PRRX1: variants seen among roughly 807,000 people sequenced by gnomAD.
PRRX1 encodes the protein paired related homeobox 1, also known as paired mesoderm homeobox protein 1.
Under a neutral mutation model 24.0 loss-of-function variants are expected in PRRX1, and 8 were observed. That is an observed-to-expected ratio of 0.33 (90% CI 0.20 to 0.60). The LOEUF is 0.60. Ranked by LOEUF, PRRX1 falls within the 20% of genes least tolerant of loss-of-function variation. The pLI, the probability that PRRX1 is intolerant of heterozygous loss-of-function variation, is 0.82. For missense variants in PRRX1, 281 were observed against 322.4 expected, an observed-to-expected ratio of 0.87 and a Z score of 0.98; for synonymous variants, 160 against 131.7, an observed-to-expected ratio of 1.22 and a Z score of -1.47.
At chr1:170,689,949 A>G (rs914052858) in intron 1 of PRRX1, among the ~76,000 whole-genome samples, 10 of 150,880 alleles carry the variant, frequency 6.6e-5, no homozygotes, top group Admixed American at 2.0e-4. Context: ...CTTTGTAAAG[A>G]TTTGGTTCCA....
At chr1:170,672,101 C>A (rs956194631) in intron 1 of PRRX1, among the ~76,000 whole-genome samples, 27 of 152,136 alleles carry the variant, frequency 1.8e-4, no homozygotes, top group African/African-American at 6.3e-4. Context: ...CTTGTGTGAG[C>A]CTGCAACTTG....
chr1:170,689,839 C>CTCCCTCTCTCT (rs1558049688), intron 1 of PRRX1, among the ~76,000 whole-genome samples: 1 of 91,602 alleles, frequency 1.1e-5, no homozygotes, highest in Non-Finnish European at 2.3e-5. Flanking sequence ...TCTCTCTCTC[C>CTCCCTCTCTCT]CTCTCTCTCT....
At chr1:170,671,784 A>T (rs978764616) in intron 1 of PRRX1, among the ~76,000 whole-genome samples, 2 of 152,166 alleles carry the variant, frequency 1.3e-5, no homozygotes, top group Non-Finnish European at 2.9e-5. Context: ...GAGTGGGGCC[A>T]GATGACCGTG....
chr1:170,682,283 T>C (rs1653572534), intron 1 of PRRX1, among the ~76,000 whole-genome samples: 1 of 150,652 alleles, frequency 6.6e-6, no homozygotes, highest in Admixed American at 6.8e-5. Flanking sequence ...AATTCAATGT[T>C]CCTTCTGTGT....
chr1:170,698,087 C>T (rs1225656498), intron 1 of PRRX1, among the ~76,000 whole-genome samples: 2 of 151,928 alleles, frequency 1.3e-5, no homozygotes, highest in Non-Finnish European at 2.9e-5. Flanking sequence ...CGCTATTTTA[C>T]TTTATTCTCA....
At chr1:170,719,959 T>C (rs1291328555) in intron 2 of PRRX1, 58 bp downstream of exon 2, 4 of 1,594,994 alleles carry the variant, frequency 2.5e-6, no homozygotes, top group South Asian at 2.2e-5. Context: ...GGCACATCTC[T>C]GAAAACTGTT....
At chr1:170,709,436 G>T (rs1654673118) in intron 1 of PRRX1, among the ~76,000 whole-genome samples, 1 of 152,184 alleles carries the variant, frequency 6.6e-6, no homozygotes, top group African/African-American at 2.4e-5. Flanking sequence ...AGAAATAATA[G>T]ATCAGCTGAG....
In PRRX1 at chr1:170,664,386, C is replaced by A. The variant is rs370202431; in HGVS notation, c.168C>A (p.Asn56Lys). Residue 56 changes from asparagine to lysine, a missense_variant, in exon 1 of 4, where the codon AAC becomes AAA. Transcript: ENST00000239461. ...GDMVAAQADE[N>K]VGEAGRSLLE... is the part of the protein sequence containing the mutation. ...TGGTGGCGGCACAGGCGGATGAGAA[C>A]GTGGGCGAGGCTGGCCGGAGCCTGC... The A allele has an allele frequency of 6.2e-7, 1 of 1,613,478 alleles. No individual in the cohort carries two copies. The highest frequency in any genetic ancestry group is 8.5e-7 in the Non-Finnish European group (1 of 1,179,852).
At chr1:170,697,069 G>C (rs1654194116) in intron 1 of PRRX1, among the ~76,000 whole-genome samples, 1 of 152,090 alleles carries the variant, frequency 6.6e-6, no homozygotes, top group Non-Finnish European at 1.5e-5. Context: ...GAGAGATTAG[G>C]GGCCTCATAC....
At chr1:170,710,269 GT>G (rs200579666) in intron 1 of PRRX1, among the ~76,000 whole-genome samples, 1 of 152,108 alleles carries the variant, frequency 6.6e-6, no homozygotes, top group Admixed American at 6.6e-5. Context: ...ATTATTGAAA[GT>G]TTTTTATTAG....
chr1:170,712,651 A>G (rs1052992051), intron 1 of PRRX1, among the ~76,000 whole-genome samples: 1 of 152,158 alleles, frequency 6.6e-6, no homozygotes, highest in African/African-American at 2.4e-5. Context: ...TGTGCCTTTT[A>G]TGCATTTATT....
intron 1 of PRRX1, among the ~76,000 whole-genome samples, chr1:170,684,251 A>G (rs955953717): frequency 2.0e-5 from 3 of 152,098 alleles, no homozygotes; most frequent in East Asian, 1.9e-4. Flanking sequence ...TTTATTCTCT[A>G]TGCCTATTTC....
At chr1:170,714,568 C>T (rs969617851) in intron 1 of PRRX1, among the ~76,000 whole-genome samples, 16 of 152,202 alleles carry the variant, frequency 1.1e-4, no homozygotes, top group African/African-American at 2.6e-4. Context: ...TATGTTTTTC[C>T]GTACCTTTAA....
chr1:170,696,426 A>G (rs978502099), intron 1 of PRRX1, among the ~76,000 whole-genome samples: 7 of 152,204 alleles, frequency 4.6e-5, no homozygotes, highest in Non-Finnish European at 8.8e-5. Context: ...AAAAGATAAC[A>G]TAAGGTGCAG....
intron 3 of PRRX1, among the ~76,000 whole-genome samples, chr1:170,732,728 A>G (rs1655472796): frequency 6.6e-6 from 1 of 152,196 alleles, no homozygotes; most frequent in Non-Finnish European, 1.5e-5. Flanking sequence ...TTGCGGCTAT[A>G]GGATGCTGAA....
intron 1 of PRRX1, among the ~76,000 whole-genome samples, chr1:170,664,961 C>T (rs1652866024): frequency 6.6e-6 from 1 of 152,238 alleles, no homozygotes; most frequent in Non-Finnish European, 1.5e-5. Context: ...TGGCGCTGCT[C>T]AGGCTGCACT....
intron 1 of PRRX1, among the ~76,000 whole-genome samples, chr1:170,718,160 G>A (rs1461608011): frequency 1.3e-5 from 2 of 152,178 alleles, no homozygotes; most frequent in Non-Finnish European, 2.9e-5. Context: ...CTAAGGACAA[G>A]AGGAGTTTCA....
At chr1:170,690,845 A>G (rs1399063554) in intron 1 of PRRX1, among the ~76,000 whole-genome samples, 3 of 152,140 alleles carry the variant, frequency 2.0e-5, no homozygotes, top group African/African-American at 4.8e-5. Context: ...CAGAAAATGT[A>G]AGAGACTACA....
Position 170,739,070 on chromosome 1 carries a change from A to G in PRRX1, c.*2884A>G, listed in dbSNP as rs912913230. On this transcript the variant is annotated 3_prime_UTR_variant, in exon 4 of 4. Transcript: ENST00000239461. ...TGGAAAAGATGCCTTCTGGATCTTA[A>G]GCCAGTTGTCAGTGGAGGTCCTCAG... 9.2e-6 allele frequency: 2 copies of G among 216,924 alleles called. No homozygotes were observed. Among genetic ancestry groups the G allele is most frequent in the African/African-American group, 4.5e-5 (2 of 44,432 alleles). The allele number at this position is 216,924 out of a possible 1,614,324, so 13.4% of individuals were successfully genotyped here. A position where few individuals can be genotyped will look rare whatever the true frequency, so the allele number is the denominator to read the frequency against.
Sources: gnomAD v4.1 joint callset for allele counts (sites outside exome capture counted in the v4.1 genomes callset) on GRCh38, gnomAD v4.1.1 for gene constraint, MANE v1.5 for transcripts, NCBI Gene and HGNC (gene_info 2026-07-23, HGNC 2026-07-21) for gene names.